COL23A1: variants seen among roughly 807,000 people sequenced by gnomAD.
COL23A1 encodes collagen type XXIII alpha 1 chain.
A neutral mutation model predicts 99.3 loss-of-function variants in COL23A1; 97 were observed. That is an observed-to-expected ratio of 0.98 (90% CI 0.83 to 1.16). The LOEUF is 1.16. COL23A1 is among the 50% of genes most tolerant of loss of function. The pLI is 0.00. For missense variants in COL23A1, 762 were observed against 757.4 expected, an observed-to-expected ratio of 1.01 and a Z score of -0.07; for synonymous variants, 320 against 308.2, an observed-to-expected ratio of 1.04 and a Z score of -0.40.
intron 27 of COL23A1, 98 bp from the exon 28 acceptor site, chr5:178,239,277 G>C: frequency 7.1e-7 from 1 of 1,415,100 alleles, no homozygotes; most frequent in South Asian, 1.2e-5. Flanking sequence ...TGCAGGCCAG[G>C]GAGCGGCCAT....
chr5:178,240,486 G>A (rs563853572), intron 27 of COL23A1, among the ~76,000 whole-genome samples: 13 of 152,304 alleles, frequency 8.5e-5, no homozygotes, highest in South Asian at 2.1e-4. Flanking sequence ...ATTGCCCCTC[G>A]CAGGGCCCCG....
intron 1 of COL23A1, among the ~76,000 whole-genome samples, chr5:178,580,758 G>A (rs1335384427): frequency 6.6e-6 from 1 of 152,232 alleles, no homozygotes; most frequent in African/African-American, 2.4e-5. Context: ...GTTGGCTCAT[G>A]CCTGTAATCT....
chr5:178,276,641 G>A (rs1178684375), intron 5 of COL23A1, among the ~76,000 whole-genome samples: 9 of 152,226 alleles, frequency 5.9e-5, no homozygotes, highest in Admixed American at 2.0e-4. Context: ...AGCACCATAC[G>A]GTTCTGATTT....
chr5:178,474,701 G>C (rs1046852892), intron 2 of COL23A1, among the ~76,000 whole-genome samples: 1 of 152,160 alleles, frequency 6.6e-6, no homozygotes, highest in Non-Finnish European at 1.5e-5. Flanking sequence ...CCAGGCACCA[G>C]TTTAGGTACA....
intron 25 of COL23A1, among the ~76,000 whole-genome samples, chr5:178,243,275 C>T (rs1581432660): frequency 6.6e-6 from 1 of 152,032 alleles, no homozygotes; most frequent in East Asian, 2.0e-4. Flanking sequence ...ATTGCTTGAG[C>T]TCAGGAGTTC....
chr5:178,376,884 G>C (rs1371512004), intron 2 of COL23A1, among the ~76,000 whole-genome samples: 1 of 152,216 alleles, frequency 6.6e-6, no homozygotes, highest in Non-Finnish European at 1.5e-5. Flanking sequence ...ATAGCAAAAG[G>C]CTGCCTCCCA....
Position 178,344,907 on chromosome 5 carries a change from C to T in COL23A1, c.362-37988G>A, listed in dbSNP as rs922099721. Reference sequence around the variant, plus strand: ...TTCATGTGGACAGTCTCAGGGACAACACGTAGAGAATTTGGGTCTCGATCC... The same window carrying T: ...TTCATGTGGACAGTCTCAGGGACAATACGTAGAGAATTTGGGTCTCGATCC... On this transcript the variant is annotated intron_variant, in intron 2 of 28. Transcript: ENST00000390654. 5 of 738,500 alleles carry T rather than the reference C, an allele frequency of 6.8e-6. No individual in the cohort carries two copies. In the African/African-American group the frequency reaches 7.0e-5, roughly 10 times the overall value. 45.7% of individuals were successfully genotyped at this position (738,500 alleles called of 1,614,324 possible). A position where few individuals can be genotyped will look rare whatever the true frequency, so the allele number is the denominator to read the frequency against.
At chr5:178,300,612 T>C (rs529432564) in intron 3 of COL23A1, among the ~76,000 whole-genome samples, 28 of 152,096 alleles carry the variant, frequency 1.8e-4, no homozygotes, top group African/African-American at 6.7e-4. Context: ...TGCAGTGGCA[T>C]GATCTTGGCT....
At chr5:178,362,029 C>A (rs1762199498) in intron 2 of COL23A1, among the ~76,000 whole-genome samples, 1 of 152,190 alleles carries the variant, frequency 6.6e-6, no homozygotes, top group African/African-American at 2.4e-5. Flanking sequence ...TTATGCAAAG[C>A]TTCCCTCCTC....
chr5:178,519,404 C>T lies in COL23A1; in HGVS notation c.361+41278G>A, dbSNP rs545142516. ...CATGACCAGGCACACAATGTGCGTCCATGAAGGGTCCAGGAGCAATACAGC... is the reference window on the plus strand; with the variant it reads ...CATGACCAGGCACACAATGTGCGTCTATGAAGGGTCCAGGAGCAATACAGC... On this transcript the variant is annotated intron_variant, in intron 2 of 28. Coordinates refer to ENST00000390654, the MANE Select transcript of COL23A1 (RefSeq NM_173465.4). Among the ~76,000 whole-genome samples the T allele has an allele frequency of 2.6e-5, 4 of 152,278 alleles. No individual in the cohort carries two copies. The East Asian group carries it at 5.8e-4, about 22-fold the overall frequency.
chr5:178,458,756 T>C (rs1452629394), intron 2 of COL23A1, among the ~76,000 whole-genome samples: 2 of 152,156 alleles, frequency 1.3e-5, no homozygotes, highest in Non-Finnish European at 2.9e-5. Context: ...AGAATGGATC[T>C]GGGCAAGCAT....
intron 2 of COL23A1, among the ~76,000 whole-genome samples, chr5:178,346,273 G>A (rs921077660): frequency 1.3e-5 from 2 of 151,668 alleles, no homozygotes; most frequent in South Asian, 2.1e-4. Flanking sequence ...TCGTTCTGTC[G>A]CCCAGGCTGG....
intron 2 of COL23A1, among the ~76,000 whole-genome samples, chr5:178,430,951 G>A (rs1453029385): frequency 1.3e-5 from 2 of 152,098 alleles, no homozygotes; most frequent in African/African-American, 2.4e-5. Flanking sequence ...AGACATGAGC[G>A]GCCTGCTGCA....
chr5:178,309,525 C>T lies in COL23A1; in HGVS notation c.362-2606G>A, dbSNP rs756436988. Among the ~76,000 whole-genome samples the T allele has an allele frequency of 4.6e-5, 7 of 152,086 alleles. No individual in the cohort carries two copies. Among genetic ancestry groups the T allele is most frequent in the Non-Finnish European group, 8.8e-5 (6 of 67,986 alleles). On this transcript the variant is annotated intron_variant, in intron 2 of 28. Transcript: ENST00000390654. The surrounding 1 kb of genome is among the most constrained non-coding windows in gnomAD (Gnocchi z 4.7). ...CACGGTGCTGGGGGCGCCATGTGAC[C>T]GACTTGCAGATGGACAAGCGGTCTA...
At chr5:178,514,731 A>G (rs1245443717) in intron 2 of COL23A1, among the ~76,000 whole-genome samples, 1 of 152,198 alleles carries the variant, frequency 6.6e-6, no homozygotes, top group Non-Finnish European at 1.5e-5. Context: ...AAAAATCTAA[A>G]TTTGTAACTG....
At chr5:178,251,925 T>TTTTTTTTTTTTTTTTTTA (rs1554125608) in intron 17 of COL23A1, among the ~76,000 whole-genome samples, 3 of 142,870 alleles carry the variant, frequency 2.1e-5, no homozygotes, top group South Asian at 2.2e-4. Flanking sequence ...TTTTTTTTTT[T>TTTTTTTTTTTTTTTTTTA]ATTTTGAGAC....
intron 1 of COL23A1, among the ~76,000 whole-genome samples, chr5:178,572,148 G>T (rs1022288579): frequency 6.7e-6 from 1 of 150,212 alleles, no homozygotes; most frequent in Non-Finnish European, 1.5e-5. Context: ...TGATGGAAGG[G>T]ATTAATGGCA....
intron 2 of COL23A1, among the ~76,000 whole-genome samples, chr5:178,550,323 T>A (rs1761932857): frequency 6.6e-6 from 1 of 152,242 alleles, no homozygotes; most frequent in Non-Finnish European, 1.5e-5. Context: ...TACTAACATT[T>A]GGGACCGGAT....
chr5:178,430,181 C>T (rs1187429206), intron 2 of COL23A1, among the ~76,000 whole-genome samples: 1 of 152,188 alleles, frequency 6.6e-6, no homozygotes, highest in Non-Finnish European at 1.5e-5. Context: ...GAATATGCTG[C>T]ATTATCTTGA....
Sources: allele counts gnomAD v4.1 joint callset (sites outside exome capture counted in the v4.1 genomes callset), GRCh38; gene constraint gnomAD v4.1.1; non-coding constraint Gnocchi (gnomAD v3.1); transcripts MANE v1.5; gene names NCBI Gene and HGNC (gene_info 2026-07-23, HGNC 2026-07-21).